KLHL26: variants seen among roughly 807,000 people sequenced by gnomAD.
The protein encoded by KLHL26 is kelch-like protein 26.
In KLHL26, 4 loss-of-function variants were observed where a neutral mutation model predicts 7.1. The observed-to-expected ratio is 0.56, with a 90% CI of 0.28 to 1.28. KLHL26 has a LOEUF of 1.28. Among genes scored for constraint, KLHL26 ranks in the 50% most tolerant of loss-of-function variants. The pLI is 0.11. For synonymous variants in KLHL26, 465 were observed against 414.1 expected (o/e 1.12, Z -1.49); for missense variants, 896 against 924.6 (o/e 0.97, Z 0.40).
chr19:18,647,361 C>T (rs537404127), intron 1 of KLHL26, among the ~76,000 whole-genome samples: 7 of 152,188 alleles, frequency 4.6e-5, no homozygotes, highest in East Asian at 1.9e-4. Context: ...ACCTCCCCCA[C>T]GGCGATTACT....
At position 18,668,883 on chromosome 19, in the gene KLHL26, G is replaced by A; in HGVS notation, c.1486G>A (p.Glu496Lys). Reference protein sequence around the residue: ...DQWEFKAPMSEPRVLHAMVGA... With the variant: ...DQWEFKAPMSKPRVLHAMVGA... ...GTGGGAGTTCAAGGCGCCCATGAGC[G>A]AACCCCGCGTGCTACACGCCATGGT... The change falls in exon 3 of 3, where the codon GAA (glutamate) becomes AAA (lysine). Residue 496 changes from glutamate (E) to lysine (K), a missense_variant. Coordinates refer to ENST00000300976, the MANE Select transcript of KLHL26 (RefSeq NM_018316.3). The A allele has an allele frequency of 6.3e-7, 1 of 1,597,330 alleles. No individual in the cohort carries two copies. The highest frequency in any genetic ancestry group is 8.5e-7 in the Non-Finnish European group (1 of 1,176,958).
At position 18,650,700 on chromosome 19, in the gene KLHL26, G is replaced by A. The variant is rs528142817; in HGVS notation, c.84-13561G>A. ...CCTTTGCCGTTCCAGCCTCAGTCACGCCTCCAGTCTGTTAGCATTTAGAGT... is the reference window on the plus strand; with the variant it reads ...CCTTTGCCGTTCCAGCCTCAGTCACACCTCCAGTCTGTTAGCATTTAGAGT... On this transcript the variant is annotated intron_variant, in intron 1 of 2. Transcript: ENST00000300976. This position sits in a 1 kb window ranked among gnomAD's most constrained non-coding sequence, Gnocchi z 4.2. 1.2e-4 allele frequency among the ~76,000 whole-genome samples: 18 copies of A among 152,312 alleles called. No homozygotes were observed. Among genetic ancestry groups the A allele is most frequent in the Non-Finnish European group, 1.9e-4 (13 of 68,024 alleles).
At chr19:18,667,349 T>C in intron 2 of KLHL26, 1 of 411,416 alleles carries the variant, frequency 2.4e-6, no homozygotes, top group Admixed American at 3.7e-5. Context: ...CATGTTTTTG[T>C]TTGTTTGTTT....
intron 1 of KLHL26, among the ~76,000 whole-genome samples, chr19:18,641,479 C>T (rs972236509): frequency 2.6e-5 from 4 of 151,522 alleles, no homozygotes; most frequent in East Asian, 1.9e-4. Context: ...CTACCACACC[C>T]GGCTAATTTT....
rs1303748579 is a variant in KLHL26, at chr19:18,649,902, C to A, written c.83+12765C>A. On this transcript the variant is annotated intron_variant, in intron 1 of 2. Coordinates refer to ENST00000300976, the MANE Select transcript of KLHL26 (RefSeq NM_018316.3). This position sits in a 1 kb window ranked among gnomAD's most constrained non-coding sequence, Gnocchi z 4.0. ...GGTGCATGTCCAGCGTGATTTCAGA[C>A]CCCTCACTGCGCAGCGGAGTGCCTG... Among the ~76,000 whole-genome samples, 3 of 152,226 alleles carry A rather than the reference C, an allele frequency of 2.0e-5. No homozygotes were observed. The highest frequency in any genetic ancestry group is 4.4e-5 in the Non-Finnish European group (3 of 68,044).
chr19:18,664,670 C>T (rs535589671), intron 2 of KLHL26, among the ~76,000 whole-genome samples: 2 of 152,154 alleles, frequency 1.3e-5, no homozygotes, highest in African/African-American at 4.8e-5. Flanking sequence ...CAACCTCCGC[C>T]TCCTGGGTTC....
At chr19:18,658,749 G>A (rs942998404) in intron 1 of KLHL26, among the ~76,000 whole-genome samples, 2 of 150,212 alleles carry the variant, frequency 1.3e-5, no homozygotes, top group Admixed American at 6.6e-5. Flanking sequence ...CTGGGTCTCT[G>A]TCTCCCTGTC....
chr19:18,661,746 G>A (rs2052393623), intron 1 of KLHL26, among the ~76,000 whole-genome samples: 1 of 152,060 alleles, frequency 6.6e-6, no homozygotes, highest in Non-Finnish European at 1.5e-5. Context: ...TTAGAGTGTT[G>A]CTGAGTCTAC....
Position 18,667,902 on chromosome 19 carries a change from G to C in KLHL26, c.505G>C (p.Gly169Arg), listed in dbSNP as rs374566090. Residue 169 changes from glycine (G) to arginine (R), a missense_variant, in exon 3 of 3, where the codon GGC becomes CGC. Transcript: ENST00000300976. Reference sequence around the variant, plus strand: ...GAGCGTGGAGACCTGCCTCAACATCGGCCAGATGGCCACCACCTTCAGCCT... The same window carrying C: ...GAGCGTGGAGACCTGCCTCAACATCCGCCAGATGGCCACCACCTTCAGCCT... The part of the protein sequence containing the change: ...AMSVETCLNI[G>R]QMATTFSLAS... 9 of 1,612,242 alleles carry C rather than the reference G, an allele frequency of 5.6e-6. No individual in the cohort carries two copies. Among genetic ancestry groups the C allele is most frequent in the Non-Finnish European group, 6.8e-6 (8 of 1,179,974 alleles).
chr19:18,669,231 G>A lies in KLHL26; in HGVS notation c.1834G>A (p.Gly612Arg), dbSNP rs1037793336. 2.5e-6 allele frequency: 4 copies of A among 1,609,204 alleles called. No individual in the cohort carries two copies. The highest frequency in any genetic ancestry group is 1.6e-4 in the Middle Eastern group (1 of 6,066). The change falls in exon 3 of 3, where the codon GGG becomes AGG. Residue 612 changes from glycine (G) to arginine (R), a missense_variant. By Grantham distance (125) the Gly-to-Arg change is moderately radical. Coordinates refer to ENST00000300976, the MANE Select transcript of KLHL26 (RefSeq NM_018316.3). ...ACAPVLLPRA[G>R]TRR ...CGCCCCCGTCCTGCTGCCCCGGGCCGGGACCAGGAGGTAGCCCCCAAGACC... is the reference window on the plus strand; with the variant it reads ...CGCCCCCGTCCTGCTGCCCCGGGCCAGGACCAGGAGGTAGCCCCCAAGACC...
chr19:18,660,270 G>C (rs1568460803), intron 1 of KLHL26, among the ~76,000 whole-genome samples: 1 of 152,226 alleles, frequency 6.6e-6, no homozygotes, highest in African/African-American at 2.4e-5. Flanking sequence ...GGGATACAGC[G>C]GCAAGCGGGT....
At chr19:18,639,714 T>C (rs2145367045) in intron 1 of KLHL26, among the ~76,000 whole-genome samples, 1 of 152,014 alleles carries the variant, frequency 6.6e-6, no homozygotes, top group African/African-American at 2.4e-5. Flanking sequence ...TCAACCCAGG[T>C]CATTAAGTTT....
At position 18,668,846 on chromosome 19, in the gene KLHL26, C is replaced by G; in HGVS notation, c.1449C>G (p.Pro483=). 2 of 1,592,200 alleles carry G rather than the reference C, an allele frequency of 1.3e-6. No homozygotes were observed. Among genetic ancestry groups the G allele is most frequent in the Non-Finnish European group, 1.7e-6 (2 of 1,175,166 alleles). ...AGAAGGCCCTGCACTGCTACGACCC[C>G]GTGGCCGACCAGTGGGAGTTCAAGG... ...EDKKALHCYD[P]VADQWEFKAP... Residue 483 remains proline, a synonymous_variant, in exon 3 of 3, where the codon CCC becomes CCG. Transcript: ENST00000300976.
Position 18,668,224 on chromosome 19 carries a change from T to C in KLHL26, c.827T>C (p.Leu276Pro). The C allele has an allele frequency of 3.1e-6, 5 of 1,612,074 alleles. No individual in the cohort carries two copies. The highest frequency in any genetic ancestry group is 4.2e-6 in the Non-Finnish European group (5 of 1,179,882). ...QTLDIMVEDVLCRQYLLEAFN... is the reference protein window; with the variant it reads ...QTLDIMVEDVPCRQYLLEAFN... ...CTGGACATCATGGTGGAGGACGTGC[T>C]GTGCCGCCAGTATCTGCTGGAGGCC... The change falls in exon 3 of 3, where the codon CTG becomes CCG. Residue 276 changes from leucine (L) to proline (P), a missense_variant. Leu to Pro is a moderately conservative substitution (Grantham distance 98). Transcript: ENST00000300976.
At position 18,656,630 on chromosome 19, in the gene KLHL26, A is replaced by G. The variant is rs1227790885; in HGVS notation, c.84-7631A>G. 6.6e-6 allele frequency among the ~76,000 whole-genome samples: 1 copy of G among 151,600 alleles called. No individual in the cohort carries two copies. Among genetic ancestry groups the G allele is most frequent in the African/African-American group, 2.4e-5 (1 of 41,274 alleles). Reference sequence around the variant, plus strand: ...GCCTCCTTCGCAGGGGTCAGAGGGCATCCATGCAGGACGCTGTGTGAGTTG... The same window carrying G: ...GCCTCCTTCGCAGGGGTCAGAGGGCGTCCATGCAGGACGCTGTGTGAGTTG... On this transcript the variant is annotated intron_variant, in intron 1 of 2. Transcript: ENST00000300976. This position sits in a 1 kb window ranked among gnomAD's most constrained non-coding sequence, Gnocchi z 4.4.
At chr19:18,639,410 T>TTG (rs1209422447) in intron 1 of KLHL26, among the ~76,000 whole-genome samples, 67 of 137,898 alleles carry the variant, frequency 4.9e-4, no homozygotes, top group African/African-American at 1.8e-3. Flanking sequence ...TAAGTTTTTT[T>TTG]TTTTTTTTTT....
chr19:18,664,139 G>T, intron 1 of KLHL26, 122 bp from the exon 2 acceptor site: 1 of 800,184 alleles, frequency 1.2e-6, no homozygotes, highest in South Asian at 3.1e-5. Flanking sequence ...GGCATTTCAC[G>T]TCAGTGGAGT....
chr19:18,661,580 C>T (rs1167880289), intron 1 of KLHL26, among the ~76,000 whole-genome samples: 1 of 152,188 alleles, frequency 6.6e-6, no homozygotes, highest in Non-Finnish European at 1.5e-5. Flanking sequence ...ATGCGTCAGC[C>T]TCCTCACCCA....
At chr19:18,662,138 G>A (rs982339788) in intron 1 of KLHL26, among the ~76,000 whole-genome samples, 1 of 152,138 alleles carries the variant, frequency 6.6e-6, no homozygotes, top group African/African-American at 2.4e-5. Flanking sequence ...ACTTGTCCCA[G>A]TGCAACGTGT....
Sources: allele counts gnomAD v4.1 joint callset (sites outside exome capture counted in the v4.1 genomes callset), GRCh38; gene constraint gnomAD v4.1.1; non-coding constraint Gnocchi (gnomAD v3.1); transcripts MANE v1.5; gene names NCBI Gene and HGNC (gene_info 2026-07-23, HGNC 2026-07-21).